The following ZNF549 variants were observed in gnomAD, a reference collection of about 807,000 sequenced individuals.
ZNF549 encodes the protein zinc finger protein 549.
A neutral mutation model predicts 11.1 loss-of-function variants in ZNF549; 11 were observed. The observed-to-expected ratio is 0.99, with a 90% CI of 0.62 to 1.64. The LOEUF is 1.64. Ranked by LOEUF, ZNF549 falls within the 40% of genes most tolerant of loss-of-function variation. The probability of loss-of-function intolerance (pLI) is 0.00; values close to 1 mark genes in which losing one functional copy is unlikely to be tolerated. For synonymous variants in ZNF549, 266 were observed against 269.1 expected (o/e 0.99, Z 0.11); for missense variants, 748 against 765.1 (o/e 0.98, Z 0.26).
rs779898589 is a variant in ZNF549 at position 57,538,498 on chromosome 19, A to G, written c.1494A>G (p.Glu498=). Residue 498 remains glutamate (E), a synonymous_variant, in exon 4 of 4, where the codon GAA becomes GAG. Transcript: ENST00000376233. The part of the protein sequence containing the change: ...LLKHHKIHTR[E]RPYECSECGK... ...AGCATCACAAAATCCACACTAGAGA[A>G]AGGCCTTATGAATGCAGTGAATGTG... The G allele has an allele frequency of 6.2e-7, 1 of 1,614,212 alleles. No individual in the cohort carries two copies. Among genetic ancestry groups the G allele is most frequent in the Admixed American group, 1.7e-5 (1 of 60,028 alleles).
chr19:57,537,329 T>A lies in ZNF549; in HGVS notation c.325T>A (p.Cys109Ser), dbSNP rs755045776. The A allele has an allele frequency of 3.7e-6, 6 of 1,614,218 alleles. No individual in the cohort carries two copies. The South Asian group carries it at 6.6e-5, about 18-fold the overall frequency. The change falls in exon 4 of 4, where the codon TGT (cysteine) becomes AGT (serine). Residue 109 changes from cysteine (C) to serine (S), a missense_variant. Transcript: ENST00000376233. ...SIPNAHSCEM[C>S]ILVMKDILYL... is the part of the protein sequence containing the mutation. ...CCCAAATGCTCATTCTTGTGAGATG[T>A]GTATCCTGGTCATGAAAGACATTTT...
intron 1 of ZNF549, among the ~76,000 whole-genome samples, chr19:57,529,901 A>AAAAT (rs376810192): frequency 0.018 from 2,776 of 151,898 alleles, 54 homozygotes; most frequent in African/African-American, 0.047. Context: ...ATAAATAAAT[A>AAAAT]AAATAAATAA....
In ZNF549 at chr19:57,535,276, A is replaced by T. The variant is rs1267110837; in HGVS notation, c.199+6A>T. ...TTCGCTTATGGCCTCAGTAGGTAAG[A>T]TCTCTTAAAACCACACCATCAACCT... On this transcript the variant is annotated splice_donor_region_variant and intron_variant, in intron 3 of 3. Coordinates refer to ENST00000376233, the MANE Select transcript of ZNF549 (RefSeq NM_001199295.2). The T allele has an allele frequency of 6.2e-7, 1 of 1,612,918 alleles. No individual in the cohort carries two copies. The highest frequency in any genetic ancestry group is 8.5e-7 in the Non-Finnish European group (1 of 1,179,306).
intron 1 of ZNF549, among the ~76,000 whole-genome samples, chr19:57,529,816 G>T (rs2089896017): frequency 6.6e-6 from 1 of 152,156 alleles, no homozygotes; most frequent in East Asian, 1.9e-4. Flanking sequence ...AAGCTGGGAG[G>T]CAGAGCTTGC....
At chr19:57,531,683 G>C (rs910468544) in intron 2 of ZNF549, among the ~76,000 whole-genome samples, 1 of 152,192 alleles carries the variant, frequency 6.6e-6, no homozygotes, top group Admixed American at 6.5e-5. Context: ...GTGATAATGA[G>C]ACAGTTGATA....
In ZNF549 at chr19:57,540,367, C is replaced by T. The variant is rs1164992513; in HGVS notation, c.*1440C>T. On this transcript the variant is annotated 3_prime_UTR_variant, in exon 4 of 4. Transcript: ENST00000376233. ...AACATTGAGGTGCAGTTTTCATACACAAAACCTTCTATCTTTTTAAGAACT... is the reference window on the plus strand; with the variant it reads ...AACATTGAGGTGCAGTTTTCATACATAAAACCTTCTATCTTTTTAAGAACT... The T allele has an allele frequency of 2.0e-5, 3 of 152,224 alleles. No individual in the cohort carries two copies. The highest frequency in any genetic ancestry group is 7.2e-5 in the African/African-American group (3 of 41,452). The allele number at this position is 152,224 out of a possible 1,614,324, so 9.4% of individuals were successfully genotyped here. A position where few individuals can be genotyped will look rare whatever the true frequency, so the allele number is the denominator to read the frequency against.
rs867122885 is a variant in ZNF549 at position 57,538,010 on chromosome 19, G to A, written c.1006G>A (p.Val336Ile). ...HNGEKPYVCNVCGKSFRHKQT... is the reference protein window; with the variant it reads ...HNGEKPYVCNICGKSFRHKQT... ...TGGAGAAAAGCCTTATGTGTGCAAT[G>A]TATGTGGGAAATCATTCCGCCACAA... The change falls in exon 4 of 4, where the codon GTA becomes ATA. Residue 336 changes from valine (V) to isoleucine (I), a missense_variant. Coordinates refer to ENST00000376233, the MANE Select transcript of ZNF549 (RefSeq NM_001199295.2). 1.9e-6 allele frequency: 3 copies of A among 1,613,618 alleles called. No individual in the cohort carries two copies. In the Admixed American group the frequency reaches 5.0e-5, roughly 27 times the overall value.
intron 2 of ZNF549, among the ~76,000 whole-genome samples, chr19:57,534,636 AAG>A (rs1465301863): frequency 1.3e-5 from 2 of 152,174 alleles, no homozygotes; most frequent in Admixed American, 6.5e-5. Context: ...AATTGGAACA[AAG>A]AGCCAGGCCA....
intron 2 of ZNF549, among the ~76,000 whole-genome samples, chr19:57,531,755 T>C (rs1262731636): frequency 2.6e-5 from 4 of 152,234 alleles, no homozygotes; most frequent in African/African-American, 9.6e-5. Flanking sequence ...ATGGATCTAT[T>C]GGACAAACGG....
Position 57,533,630 on chromosome 19 carries a change from T to C in ZNF549, c.73-1514T>C, listed in dbSNP as rs73573431. Among the ~76,000 whole-genome samples, 1,127 of 152,318 alleles carry C rather than the reference T, an allele frequency of 7.4e-3. 16 individuals carry two copies. Among genetic ancestry groups the C allele is most frequent in the African/African-American group, 0.024 (993 of 41,580 alleles). ...TCAGAGTGCCTCCTGAATTTTCAGC[T>C]CACAGAATTGTCCACACAGACCTTC... On this transcript the variant is annotated intron_variant, in intron 2 of 3. Coordinates refer to ENST00000376233, the MANE Select transcript of ZNF549 (RefSeq NM_001199295.2).
At chr19:57,530,498 A>C (rs1222268406) in intron 1 of ZNF549, among the ~76,000 whole-genome samples, 2 of 152,160 alleles carry the variant, frequency 1.3e-5, no homozygotes, top group Non-Finnish European at 2.9e-5. Flanking sequence ...ACGTAAGGAG[A>C]GAGGTCATGG....
At chr19:57,530,810 CAG>C (rs372208941) in intron 1 of ZNF549, among the ~76,000 whole-genome samples, 69 of 152,008 alleles carry the variant, frequency 4.5e-4, no homozygotes, top group African/African-American at 1.5e-3. Context: ...TAAGAAACAC[CAG>C]AGTTTTAAAA....
intron 2 of ZNF549, among the ~76,000 whole-genome samples, chr19:57,534,848 T>C (rs2089917524): frequency 2.0e-5 from 3 of 152,206 alleles, no homozygotes. Context: ...AGTCACGATC[T>C]GGAGATGTGT....
intron 2 of ZNF549, 66 bp from the exon 3 acceptor site, chr19:57,535,078 A>G (rs899947867): frequency 6.9e-6 from 11 of 1,586,398 alleles, no homozygotes; most frequent in Non-Finnish European, 8.6e-7. Context: ...ACTAGGGAGG[A>G]GCGAGATTTA....
intron 3 of ZNF549, among the ~76,000 whole-genome samples, chr19:57,536,954 G>C (rs1029213326): frequency 1.6e-4 from 25 of 152,156 alleles, no homozygotes; most frequent in African/African-American, 5.3e-4. Flanking sequence ...AAATTAGCCA[G>C]GTATGGTGGT....
chr19:57,535,120 A>T, intron 2 of ZNF549, 24 bp from the exon 3 acceptor site: 1 of 1,610,512 alleles, frequency 6.2e-7, no homozygotes, highest in Non-Finnish European at 8.5e-7. Context: ...TCTGCTCATG[A>T]TTTCATCTGC....
rs1184871190 is a variant in ZNF549, at chr19:57,540,604, A to G, written c.*1677A>G. The G allele has an allele frequency of 2.0e-5, 3 of 152,094 alleles. No homozygotes were observed. Among genetic ancestry groups the G allele is most frequent in the Non-Finnish European group, 2.9e-5 (2 of 68,028 alleles). The allele number at this position is 152,094 out of a possible 1,614,324, so 9.4% of individuals were successfully genotyped here. A position where few individuals can be genotyped will look rare whatever the true frequency, so the allele number is the denominator to read the frequency against. The stretch of plus-strand genomic sequence containing the variant: ...GTGAAATCCAGTCTCTACTTAAAAT[A>G]CAAAAATTAGCCAGGCGTGGTGGCG... On this transcript the variant is annotated 3_prime_UTR_variant, in exon 4 of 4. Coordinates refer to ENST00000376233, the MANE Select transcript of ZNF549 (RefSeq NM_001199295.2).
At position 57,531,197 on chromosome 19, in the gene ZNF549, G is replaced by A. The variant is rs1487496893; in HGVS notation, c.72+89G>A. The A allele has an allele frequency of 6.3e-6, 9 of 1,431,650 alleles. No individual in the cohort carries two copies. The Middle Eastern group carries it at 5.3e-4, about 85-fold the overall frequency. 88.7% of individuals were successfully genotyped at this position (1,431,650 alleles called of 1,614,324 possible). ...AGATGCAGGTAACAATAATGTCCTG[G>A]GACTCTTTTTCCTTCATCTTGGGTC... On this transcript the variant is annotated intron_variant, in intron 2 of 3. Transcript: ENST00000376233.
chr19:57,536,315 G>A, intron 3 of ZNF549, among the ~76,000 whole-genome samples: 1 of 152,146 alleles, frequency 6.6e-6, no homozygotes, highest in Non-Finnish European at 1.5e-5. Flanking sequence ...CAACACAGTA[G>A]AGTGTCAGTT....
Sources: gnomAD v4.1 joint callset for allele counts (sites outside exome capture counted in the v4.1 genomes callset) on GRCh38, gnomAD v4.1.1 for gene constraint, MANE v1.5 for transcripts, NCBI Gene and HGNC (gene_info 2026-07-23, HGNC 2026-07-21) for gene names.